KRAS: variants seen among roughly 807,000 people sequenced by gnomAD.
The protein encoded by KRAS is GTPase KRas.
A neutral mutation model predicts 21.0 loss-of-function variants in KRAS; 1 was observed. The ratio of observed to expected loss-of-function variants is 0.05; its 90% CI spans 0.02 to 0.23. The LOEUF (loss-of-function observed/expected upper bound fraction) is 0.23. KRAS is among the 10% of genes least tolerant of loss of function. The pLI, the probability that KRAS is intolerant of heterozygous loss-of-function variation, is 1.00. For synonymous variants in KRAS, 67 were observed against 72.5 expected, an observed-to-expected ratio of 0.92 and a Z score of 0.39; for missense variants, 107 against 221.8, an observed-to-expected ratio of 0.48 and a Z score of 3.29.
intron 2 of KRAS, among the ~76,000 whole-genome samples, chr12:25,235,964 A>T (rs1302213926): frequency 2.0e-5 from 3 of 152,134 alleles, no homozygotes; most frequent in Non-Finnish European, 4.4e-5. Flanking sequence ...CGCTCCTATT[A>T]GAATCTAATG....
At chr12:25,243,474 G>C (rs865783203) in intron 2 of KRAS, among the ~76,000 whole-genome samples, 1 of 152,082 alleles carries the variant, frequency 6.6e-6, no homozygotes, top group Admixed American at 6.5e-5. Context: ...CCAAATAAAG[G>C]CTTAACTGTT....
intron 4 of KRAS, among the ~76,000 whole-genome samples, chr12:25,218,228 T>TA (rs36118907): frequency 1.8e-4 from 27 of 147,292 alleles, no homozygotes; most frequent in South Asian, 1.7e-3. Context: ...TATTTCTGTT[T>TA]AAAAAAAAAA....
At chr12:25,238,678 T>C (rs569881017) in intron 2 of KRAS, among the ~76,000 whole-genome samples, 1 of 152,376 alleles carries the variant, frequency 6.6e-6, no homozygotes, top group African/African-American at 2.4e-5. Flanking sequence ...CACAAGGTGC[T>C]GTGACCCAGC....
chr12:25,219,781 T>C (rs1951298824), intron 4 of KRAS, among the ~76,000 whole-genome samples: 1 of 152,196 alleles, frequency 6.6e-6, no homozygotes, highest in South Asian at 2.1e-4. Flanking sequence ...CAGTAACTGT[T>C]CCGTCAATTT....
In KRAS at chr12:25,250,862, CCGCCGCCACCTT is replaced by C. The variant is rs948127681; in HGVS notation, c.-135_-124del. 14 of 246,518 alleles carry C rather than the reference CCGCCGCCACCTT, an allele frequency of 5.7e-5. No homozygotes were observed. Among genetic ancestry groups the C allele is most frequent in the Middle Eastern group, 1.3e-3 (1 of 794 alleles). The allele number at this position is 246,518 out of a possible 1,614,324, so 15.3% of individuals were successfully genotyped here. A position where few individuals can be genotyped will look rare whatever the true frequency, so the allele number is the denominator to read the frequency against. On this transcript the variant is annotated 5_prime_UTR_variant, in exon 1 of 5. Transcript: ENST00000311936. ...GCGGGGGCCGGGAGTACTGGCCGAG[CCGCCGCCACCTT>C]CGCCGCCGCCACTGCCGCCGCCGCT...
At chr12:25,239,004 T>TA (rs1224944467) in intron 2 of KRAS, among the ~76,000 whole-genome samples, 6 of 152,222 alleles carry the variant, frequency 3.9e-5, no homozygotes, top group Non-Finnish European at 5.9e-5. Flanking sequence ...TGAGGGTCTA[T>TA]ACTCCCACTA....
intron 3 of KRAS, among the ~76,000 whole-genome samples, chr12:25,226,201 T>G (rs1022889310): frequency 6.6e-6 from 1 of 152,180 alleles, no homozygotes; most frequent in African/African-American, 2.4e-5. Context: ...AAAAACAAAG[T>G]GGACAACTAG....
intron 1 of KRAS, among the ~76,000 whole-genome samples, chr12:25,250,404 A>G (rs1951750113): frequency 6.6e-6 from 1 of 151,700 alleles, no homozygotes; most frequent in Non-Finnish European, 1.5e-5. Flanking sequence ...CACCGCTCCG[A>G]GGGGCAGCCG....
rs537929481 is a variant in KRAS, at chr12:25,206,620, C to A, written c.*3175G>T. On this transcript the variant is annotated 3_prime_UTR_variant, in exon 5 of 5. Transcript: ENST00000311936. The stretch of plus-strand genomic sequence containing the variant: ...AAGCACTGCAGTTCCTGAAGTATGG[C>A]CATTTCTTTCTCTGTGTAGAAACGA... 1.3e-4 allele frequency: 27 copies of A among 201,874 alleles called. No homozygotes were observed. In the South Asian group the frequency reaches 4.8e-3, roughly 36 times the overall value. 12.5% of individuals were successfully genotyped at this position (201,874 alleles called of 1,614,324 possible).
At chr12:25,212,345 T>A (rs1951207729) in intron 4 of KRAS, among the ~76,000 whole-genome samples, 1 of 152,220 alleles carries the variant, frequency 6.6e-6, no homozygotes, top group South Asian at 2.1e-4. Context: ...AAACACAGAA[T>A]TTGAAAACAT....
At chr12:25,224,274 T>C (rs775374539) in intron 4 of KRAS, among the ~76,000 whole-genome samples, 1 of 151,076 alleles carries the variant, frequency 6.6e-6, no homozygotes, top group Non-Finnish European at 1.5e-5. Flanking sequence ...AATGTTATTA[T>C]AGGAGATGAC....
At chr12:25,234,166 T>G in intron 2 of KRAS, 1 of 170,244 alleles carries the variant, frequency 5.9e-6, no homozygotes. Flanking sequence ...ATTTAATAAA[T>G]TTTACCTTCA....
chr12:25,250,326 A>G (rs1287876733), intron 1 of KRAS, among the ~76,000 whole-genome samples: 3 of 150,754 alleles, frequency 2.0e-5, no homozygotes, highest in African/African-American at 7.3e-5. Flanking sequence ...AAGGGAGGCA[A>G]GAGGTGCGGG....
At chr12:25,250,679 C>T (rs1012945244) in intron 1 of KRAS, 72 bp downstream of exon 1, 3 of 176,998 alleles carry the variant, frequency 1.7e-5, no homozygotes, top group Admixed American at 6.3e-5. Context: ...CACTCGCCGC[C>T]GGCCCCGCCC....
chr12:25,210,184 CAGG>C (rs1162625836), intron 4 of KRAS, among the ~76,000 whole-genome samples: 1 of 152,128 alleles, frequency 6.6e-6, no homozygotes, highest in Non-Finnish European at 1.5e-5. Context: ...GACTTTTTCA[CAGG>C]AGAACTTAAT....
chr12:25,234,531 G>C (rs1426829007), intron 2 of KRAS: 1 of 184,672 alleles, frequency 5.4e-6, no homozygotes, highest in Non-Finnish European at 1.1e-5. Flanking sequence ...CAATTTCTTT[G>C]AGGAGTAATA....
rs533764953 is a variant in KRAS, at chr12:25,212,796, C to T, written c.451-2885G>A. On this transcript the variant is annotated intron_variant, in intron 4 of 4. Transcript: ENST00000311936. The stretch of plus-strand genomic sequence containing the variant: ...AAAGGTGGGGTCTCATTACGTTGCC[C>T]AGTCTGGTCTTAAACTCCTGGCCTC... Among the ~76,000 whole-genome samples the T allele has an allele frequency of 2.0e-5, 3 of 152,198 alleles. No homozygotes were observed. In the South Asian group the frequency reaches 6.2e-4, roughly 32 times the overall value.
In KRAS at chr12:25,206,010, C is replaced by A; in HGVS notation, c.*3785G>T. ...CATTACTACACAATTATCAAGAAAT[C>A]ATTACTTTTTGACAAATGGAAATCT... On this transcript the variant is annotated 3_prime_UTR_variant, in exon 5 of 5. Coordinates refer to ENST00000311936, the MANE Select transcript of KRAS (RefSeq NM_004985.5). The A allele has an allele frequency of 4.8e-6, 1 of 208,086 alleles. No homozygotes were observed. The highest frequency in any genetic ancestry group is 9.8e-6 in the Non-Finnish European group (1 of 102,488). 12.9% of individuals were successfully genotyped at this position (208,086 alleles called of 1,614,324 possible).
intron 2 of KRAS, among the ~76,000 whole-genome samples, chr12:25,229,454 T>C (rs546801531): frequency 2.0e-5 from 3 of 152,152 alleles, no homozygotes; most frequent in Non-Finnish European, 4.4e-5. Context: ...CATCTGCAAA[T>C]CCTGAGGGGC....
Sources: gnomAD v4.1 joint callset for allele counts (sites outside exome capture counted in the v4.1 genomes callset) on GRCh38, gnomAD v4.1.1 for gene constraint, MANE v1.5 for transcripts, NCBI Gene and HGNC (gene_info 2026-07-23, HGNC 2026-07-21) for gene names.